The following CCDC178 variants were observed in gnomAD, a reference collection of about 807,000 sequenced individuals.
The protein encoded by CCDC178 is coiled-coil domain-containing protein 178.
In CCDC178, 126 loss-of-function variants were observed where a neutral mutation model predicts 117.4. That is an observed-to-expected ratio of 1.07 (90% CI 0.93 to 1.24). CCDC178 has a LOEUF of 1.24. Among genes scored for constraint, CCDC178 ranks in the 50% most tolerant of loss-of-function variants. The pLI, the probability that CCDC178 is intolerant of heterozygous loss-of-function variation, is 0.00. For synonymous variants in CCDC178, 283 were observed against 313.4 expected (o/e 0.90, Z 1.02); for missense variants, 1,030 against 986.9 (o/e 1.04, Z -0.59).
At chr18:33,245,185 C>A (rs1340030152) in intron 15 of CCDC178, 60 bp downstream of exon 15, 4 of 1,360,620 alleles carry the variant, frequency 2.9e-6, no homozygotes, top group Non-Finnish European at 2.9e-6. Context: ...GAAATCGATA[C>A]AATTCAGGTA....
Position 33,197,796 on chromosome 18 carries a change from A to AT in CCDC178, c.2238+14099dup, listed in dbSNP as rs563180862. Among the ~76,000 whole-genome samples the AT allele has an allele frequency of 2.2e-4, 33 of 151,920 alleles. No homozygotes were observed. The East Asian group carries it at 3.5e-3, about 16-fold the overall frequency. On this transcript the variant is annotated intron_variant, in intron 20 of 22. Coordinates refer to ENST00000383096, the MANE Select transcript of CCDC178 (RefSeq NM_001105528.4). ...TCAAAAGCTAAAACTATTTCTACTA[A>AT]TTTTTTTTGCTTTGTACATTCATTG...
intron 14 of CCDC178, among the ~76,000 whole-genome samples, chr18:33,260,311 C>A (rs1417580851): frequency 6.6e-6 from 1 of 152,058 alleles, no homozygotes; most frequent in Non-Finnish European, 1.5e-5. Context: ...TATGTTATAT[C>A]TTACCTATTC....
chr18:33,011,767 CAAAAAAAA>C (rs71177899), intron 21 of CCDC178, among the ~76,000 whole-genome samples: 2 of 29,982 alleles, frequency 6.7e-5, no homozygotes, highest in Admixed American at 3.9e-4. Flanking sequence ...GAGCAGAATG[CAAAAAAAA>C]AAAAAAAAAA....
chr18:33,288,793 C>A (rs1468626718), intron 12 of CCDC178, among the ~76,000 whole-genome samples: 2 of 152,010 alleles, frequency 1.3e-5, no homozygotes, highest in Non-Finnish European at 2.9e-5. Context: ...AATGATAGGA[C>A]TGAGAGAATG....
At chr18:33,151,436 C>T (rs977686172) in intron 20 of CCDC178, among the ~76,000 whole-genome samples, 5 of 151,816 alleles carry the variant, frequency 3.3e-5, no homozygotes, top group East Asian at 1.9e-4. Context: ...AAAACAAATG[C>T]GGAAAAGCTT....
chr18:33,067,858 A>G (rs1174774939), intron 21 of CCDC178, among the ~76,000 whole-genome samples: 1 of 152,044 alleles, frequency 6.6e-6, no homozygotes, highest in East Asian at 1.9e-4. Flanking sequence ...AATAAAAAGA[A>G]AGAAAGAAAA....
chr18:33,220,554 G>T (rs183258839), intron 18 of CCDC178, among the ~76,000 whole-genome samples: 1 of 152,130 alleles, frequency 6.6e-6, no homozygotes, highest in East Asian at 1.9e-4. Context: ...GACAGAAGGG[G>T]ATTCTTGCTA....
At chr18:33,434,303 C>T (rs1020626887) in intron 2 of CCDC178, among the ~76,000 whole-genome samples, 2 of 152,060 alleles carry the variant, frequency 1.3e-5, no homozygotes, top group African/African-American at 4.8e-5. Context: ...TAATAAGCAG[C>T]ATTGGGAATT....
intron 20 of CCDC178, among the ~76,000 whole-genome samples, chr18:33,194,180 G>C (rs186949889): frequency 1.8e-3 from 270 of 151,916 alleles, no homozygotes; most frequent in Non-Finnish European, 2.8e-3. Flanking sequence ...AGGAGCTAAC[G>C]TTTATTGTGT....
intron 11 of CCDC178, among the ~76,000 whole-genome samples, chr18:33,298,038 C>A (rs2062128440): frequency 2.2e-4 from 2 of 9,162 alleles, no homozygotes; most frequent in Admixed American, 1.7e-3. Flanking sequence ...GAGACTCTGT[C>A]TGAAAAAAAA....
At chr18:33,401,816 A>G (rs1027948106) in intron 3 of CCDC178, among the ~76,000 whole-genome samples, 2 of 152,084 alleles carry the variant, frequency 1.3e-5, no homozygotes, top group African/African-American at 4.8e-5. Context: ...TATTTATATA[A>G]GTTGAAAACG....
At chr18:33,128,642 T>C (rs1216112573) in intron 20 of CCDC178, among the ~76,000 whole-genome samples, 1 of 152,126 alleles carries the variant, frequency 6.6e-6, no homozygotes, top group African/African-American at 2.4e-5. Context: ...TTACTTCCCT[T>C]CAAATTACTG....
intron 15 of CCDC178, 40 bp from the exon 16 acceptor site, chr18:33,226,895 T>G: frequency 8.8e-7 from 1 of 1,134,984 alleles, no homozygotes; most frequent in Non-Finnish European, 1.3e-6. Context: ...ATTTTCTTCA[T>G]AAAACATCAA....
chr18:32,983,006 T>C (rs745580657), intron 21 of CCDC178, among the ~76,000 whole-genome samples: 1 of 151,944 alleles, frequency 6.6e-6, no homozygotes, highest in African/African-American at 2.4e-5. Flanking sequence ...TTGTAACAAA[T>C]GTACCAGCTG....
At chr18:33,357,313 C>A (rs185325301) in intron 6 of CCDC178, among the ~76,000 whole-genome samples, 115 of 152,176 alleles carry the variant, frequency 7.6e-4, no homozygotes, top group Non-Finnish European at 1.2e-3. Context: ...TTGATTAAGA[C>A]CTATCTCATA....
chr18:33,431,881 G>A (rs2064224284), intron 2 of CCDC178, among the ~76,000 whole-genome samples: 1 of 152,232 alleles, frequency 6.6e-6, no homozygotes, highest in Non-Finnish European at 1.5e-5. Context: ...GAAGCAGTCT[G>A]AAATCTCTTT....
chr18:33,148,230 C>T (rs1002213828), intron 20 of CCDC178, among the ~76,000 whole-genome samples: 6 of 152,204 alleles, frequency 3.9e-5, no homozygotes, highest in Non-Finnish European at 4.4e-5. Flanking sequence ...GAGACCAGCC[C>T]GGCCAACACA....
chr18:33,060,281 T>C (rs993142264), intron 21 of CCDC178, among the ~76,000 whole-genome samples: 14 of 152,274 alleles, frequency 9.2e-5, no homozygotes, highest in African/African-American at 3.4e-4. Flanking sequence ...TTATTGTCTC[T>C]AATAAATTTA....
chr18:33,119,024 T>G (rs977636183), intron 20 of CCDC178, among the ~76,000 whole-genome samples: 1 of 152,124 alleles, frequency 6.6e-6, no homozygotes, highest in Admixed American at 6.6e-5. Context: ...TTACACCTTA[T>G]ACAAAAATTA....
Sources: allele counts gnomAD v4.1 joint callset (sites outside exome capture counted in the v4.1 genomes callset), GRCh38; gene constraint gnomAD v4.1.1; transcripts MANE v1.5; gene names NCBI Gene and HGNC (gene_info 2026-07-23, HGNC 2026-07-21).